CLSTN2: variants seen among roughly 807,000 people sequenced by gnomAD.
CLSTN2 encodes calsyntenin 2.
CLSTN2 carries 48 observed loss-of-function variants against 101.2 expected under a neutral mutation model. The ratio of observed to expected loss-of-function variants is 0.47; its 90% CI spans 0.38 to 0.60. The LOEUF (loss-of-function observed/expected upper bound fraction) is 0.60. Among genes scored for constraint, CLSTN2 ranks in the 20% least tolerant of loss-of-function variants. The pLI is 0.00. For missense variants in CLSTN2, 1,160 were observed against 1,238.2 expected (o/e 0.94, Z 0.95); for synonymous variants, 481 against 463.6 (o/e 1.04, Z -0.48).
chr3:140,201,799 C>A (rs1306275319), intron 2 of CLSTN2, among the ~76,000 whole-genome samples: 1 of 151,568 alleles, frequency 6.6e-6, no homozygotes, highest in Non-Finnish European at 1.5e-5. Context: ...TGCACGCACA[C>A]ACACATGTAT....
intron 1 of CLSTN2, among the ~76,000 whole-genome samples, chr3:140,085,271 C>T (rs529303340): frequency 1.3e-5 from 2 of 152,168 alleles, no homozygotes; most frequent in South Asian, 2.1e-4. Flanking sequence ...GGCTAGAGAA[C>T]GTGTTCCCCT....
chr3:140,526,485 C>T (rs1160318218), intron 8 of CLSTN2, among the ~76,000 whole-genome samples: 1 of 152,018 alleles, frequency 6.6e-6, no homozygotes, highest in Non-Finnish European at 1.5e-5. Flanking sequence ...AATGGCCATA[C>T]TGCCCAAAGC....
chr3:140,412,483 G>C (rs758713424), intron 4 of CLSTN2, among the ~76,000 whole-genome samples: 2 of 152,192 alleles, frequency 1.3e-5, no homozygotes, highest in Non-Finnish European at 2.9e-5. Flanking sequence ...TAGGGAACTG[G>C]TCACCAGGAG....
chr3:140,412,140 C>T (rs753980883), intron 4 of CLSTN2, among the ~76,000 whole-genome samples: 2 of 152,140 alleles, frequency 1.3e-5, no homozygotes, highest in Non-Finnish European at 2.9e-5. Flanking sequence ...CTCAGCCTCC[C>T]GAGTAGCTGG....
chr3:140,391,065 G>T (rs77443164), intron 2 of CLSTN2, among the ~76,000 whole-genome samples: 5,397 of 152,264 alleles, frequency 0.035, 159 homozygotes, highest in African/African-American at 0.086. Context: ...ACATGCAGGG[G>T]ACTGGGGGCA....
intron 4 of CLSTN2, among the ~76,000 whole-genome samples, chr3:140,412,316 C>G (rs980853446): frequency 6.6e-6 from 1 of 152,180 alleles, no homozygotes; most frequent in African/African-American, 2.4e-5. Flanking sequence ...CACCCAGCCC[C>G]ATGGGGAGTT....
At chr3:140,105,791 T>C (rs2009047309) in intron 1 of CLSTN2, among the ~76,000 whole-genome samples, 1 of 152,202 alleles carries the variant, frequency 6.6e-6, no homozygotes. Flanking sequence ...CTCAGGGACC[T>C]GTTTTCCTCC....
chr3:139,944,860 G>T (rs140282756), intron 1 of CLSTN2, among the ~76,000 whole-genome samples: 75 of 152,262 alleles, frequency 4.9e-4, no homozygotes, highest in African/African-American at 1.6e-3. Context: ...CATTTGCTCC[G>T]TAGTGGTTTA....
chr3:140,139,968 T>G (rs2009672240), intron 1 of CLSTN2, among the ~76,000 whole-genome samples: 1 of 152,220 alleles, frequency 6.6e-6, no homozygotes, highest in Non-Finnish European at 1.5e-5. Context: ...GAGGGAACAG[T>G]GGCATGTACT....
intron 2 of CLSTN2, among the ~76,000 whole-genome samples, chr3:140,256,331 G>GT (rs1312117173): frequency 2.6e-5 from 4 of 152,242 alleles, no homozygotes; most frequent in African/African-American, 9.6e-5. Flanking sequence ...GGAATTCTGT[G>GT]TTTTTTCATT....
intron 2 of CLSTN2, among the ~76,000 whole-genome samples, chr3:140,200,523 A>G (rs2010705498): frequency 6.6e-6 from 1 of 152,200 alleles, no homozygotes; most frequent in Non-Finnish European, 1.5e-5. Flanking sequence ...CATGCTCTTT[A>G]TATCTACAGG....
chr3:140,167,506 T>C (rs1184868225), intron 1 of CLSTN2, among the ~76,000 whole-genome samples: 1 of 152,216 alleles, frequency 6.6e-6, no homozygotes, highest in Non-Finnish European at 1.5e-5. Context: ...CTGGGAGTCC[T>C]TTGAGTACTA....
chr3:140,428,230 C>T (rs1251512653), intron 5 of CLSTN2, among the ~76,000 whole-genome samples: 1 of 151,966 alleles, frequency 6.6e-6, no homozygotes, highest in Non-Finnish European at 1.5e-5. Flanking sequence ...CTTGTTTATG[C>T]TTTCCTTTAT....
Position 140,558,847 on chromosome 3 carries a change from G to A in CLSTN2, c.2031G>A (p.Val677=), listed in dbSNP as rs1245719235. The A allele has an allele frequency of 2.5e-6, 4 of 1,613,610 alleles. No homozygotes were observed. The highest frequency in any genetic ancestry group is 2.5e-6 in the Non-Finnish European group (3 of 1,179,966). ...TFAKTEAPGD[V]KTTDPKSEVL... ...CCAAAACCGAAGCCCCCGGGGACGT[G>A]AAAACCACAGGTACAGGTGCATTTG... Residue 677 remains valine (V), a synonymous_variant, in exon 12 of 17, where the codon GTG becomes GTA. Transcript: ENST00000458420.
At chr3:140,475,654 G>T (rs1273853839) in intron 8 of CLSTN2, among the ~76,000 whole-genome samples, 1 of 152,154 alleles carries the variant, frequency 6.6e-6, no homozygotes, top group East Asian at 1.9e-4. Flanking sequence ...ACAAATCAAA[G>T]ATGCTAATGA....
At chr3:140,314,921 T>G (rs1415762935) in intron 2 of CLSTN2, among the ~76,000 whole-genome samples, 2 of 152,168 alleles carry the variant, frequency 1.3e-5, no homozygotes, top group African/African-American at 4.8e-5. Flanking sequence ...CATGGTTTCA[T>G]TCATGAACAA....
chr3:140,368,583 T>C (rs1434290902), intron 2 of CLSTN2, among the ~76,000 whole-genome samples: 1 of 152,232 alleles, frequency 6.6e-6, no homozygotes, highest in Non-Finnish European at 1.5e-5. Context: ...GTGGTTTCTC[T>C]ACACTCAAAC....
At chr3:140,375,454 G>A (rs979751863) in intron 2 of CLSTN2, among the ~76,000 whole-genome samples, 6 of 152,174 alleles carry the variant, frequency 3.9e-5, no homozygotes, top group African/African-American at 1.4e-4. Flanking sequence ...TGGGGACCCA[G>A]CCTTAAGCAC....
intron 1 of CLSTN2, among the ~76,000 whole-genome samples, chr3:140,077,691 GA>G (rs1195987849): frequency 0.023 from 3,264 of 143,134 alleles, 130 homozygotes; most frequent in African/African-American, 0.076. Context: ...TAGAGGGGAG[GA>G]AAAAAAAAAA....
Sources: allele counts gnomAD v4.1 joint callset (sites outside exome capture counted in the v4.1 genomes callset), GRCh38; gene constraint gnomAD v4.1.1; transcripts MANE v1.5; gene names NCBI Gene and HGNC (gene_info 2026-07-23, HGNC 2026-07-21).